The following AP3B1 variants were observed in gnomAD, a reference collection of about 807,000 sequenced individuals.
AP3B1 encodes adaptor related protein complex 3 subunit beta 1.
A neutral mutation model predicts 132.5 loss-of-function variants in AP3B1; 61 were observed. That is an observed-to-expected ratio of 0.46 (90% CI 0.37 to 0.57). The LOEUF is 0.57. Among genes scored for constraint, AP3B1 ranks in the 20% least tolerant of loss-of-function variants. The pLI is 0.00. For synonymous variants in AP3B1, 388 were observed against 438.3 expected (o/e 0.89, Z 1.43); for missense variants, 1,120 against 1,289.4 (o/e 0.87, Z 2.01).
intron 7 of AP3B1, among the ~76,000 whole-genome samples, chr5:78,185,685 C>T (rs1354292017): frequency 6.6e-6 from 1 of 152,082 alleles, no homozygotes; most frequent in East Asian, 1.9e-4. Flanking sequence ...AGAGCAAAAC[C>T]TTGCCTCTAC....
chr5:78,082,522 G>A (rs935958970), intron 22 of AP3B1, among the ~76,000 whole-genome samples: 11 of 152,174 alleles, frequency 7.2e-5, no homozygotes, highest in Admixed American at 7.2e-4. Flanking sequence ...TTTGGGAAAA[G>A]TATTATCTCC....
At chr5:78,116,362 G>C (rs1289009222) in intron 17 of AP3B1, 128 bp from the exon 18 acceptor site, 5 of 758,646 alleles carry the variant, frequency 6.6e-6, no homozygotes, top group Non-Finnish European at 1.1e-5. Flanking sequence ...GAATGCAACT[G>C]TTAGAAGTCC....
chr5:78,178,834 T>A (rs532137765), intron 8 of AP3B1, among the ~76,000 whole-genome samples: 2 of 152,036 alleles, frequency 1.3e-5, no homozygotes, highest in South Asian at 4.1e-4. Context: ...ATAGCAAAAA[T>A]TCTATTAATA....
rs1255986068 is a variant in AP3B1, at chr5:78,061,054, TACTGAACC to T, written c.2578-21788_2578-21781del. On this transcript the variant is annotated intron_variant, in intron 22 of 26. Transcript: ENST00000255194. ...TGGTTGATACCTTTGAAAAAAGAAGTACTGAACCACATATCCATAAACATACTTCCAGA... is the reference window on the plus strand; with the variant it reads ...TGGTTGATACCTTTGAAAAAAGAAGTACATATCCATAAACATACTTCCAGA... Among the ~76,000 whole-genome samples, 3 of 151,560 alleles carry T rather than the reference TACTGAACC, an allele frequency of 2.0e-5. No homozygotes were observed. The East Asian group carries it at 5.8e-4, about 29-fold the overall frequency.
At chr5:78,234,525 T>C (rs190087997) in intron 3 of AP3B1, among the ~76,000 whole-genome samples, 66 of 152,314 alleles carry the variant, frequency 4.3e-4, no homozygotes, top group Middle Eastern at 3.4e-3. Flanking sequence ...TAACACGTGG[T>C]TGACTGATTA....
At chr5:78,182,117 A>C (rs577534781) in intron 7 of AP3B1, among the ~76,000 whole-genome samples, 2 of 152,188 alleles carry the variant, frequency 1.3e-5, no homozygotes, top group Non-Finnish European at 1.5e-5. Context: ...GACACGAAAA[A>C]ACTAGTGTTG....
At chr5:78,003,220 A>G (rs142431658) in intron 26 of AP3B1, 165 bp from the exon 27 acceptor site, 11 of 824,566 alleles carry the variant, frequency 1.3e-5, no homozygotes, top group African/African-American at 3.4e-5. Context: ...TGAAAAATCA[A>G]TAAACTGTCC....
intron 5 of AP3B1, 59 bp downstream of exon 5, chr5:78,227,313 G>T: frequency 6.5e-7 from 1 of 1,543,838 alleles, no homozygotes; most frequent in Non-Finnish European, 8.9e-7. Flanking sequence ...AGCCTCTGTG[G>T]TCTATAACAT....
chr5:78,021,772 T>C (rs1376826227), intron 24 of AP3B1, among the ~76,000 whole-genome samples: 1 of 152,196 alleles, frequency 6.6e-6, no homozygotes, highest in Non-Finnish European at 1.5e-5. Context: ...GGTTGCCACA[T>C]GGCTGCTGTA....
chr5:78,216,068 C>A lies in AP3B1; in HGVS notation c.773G>T (p.Ser258Ile), dbSNP rs1184624668. 1 of 1,613,964 alleles carries A rather than the reference C, an allele frequency of 6.2e-7. No individual in the cohort carries two copies. The highest frequency in any genetic ancestry group is 2.2e-5 in the East Asian group (1 of 44,872). The part of the protein sequence containing the change: ...LTRYARTQFV[S>I]PWKEGDELED... The stretch of plus-strand genomic sequence containing the variant: ...TTCAACACTTACCTCTTTCCAAGGG[C>A]TGACAAACTGTGTCCGAGCATATCG... The change falls in exon 7 of 27, where the codon AGC (serine) becomes ATC (isoleucine). Residue 258 changes from serine to isoleucine, a missense_variant. By Grantham distance (142) the Ser-to-Ile change is moderately radical (BLOSUM62 -2). Around this residue, in one of 3 missense-constraint regions of AP3B1, gnomAD observed 906 missense variants for 997.1 expected, o/e 0.91. Transcript: ENST00000255194.
chr5:78,223,631 AT>A (rs1239383141), intron 6 of AP3B1, among the ~76,000 whole-genome samples: 14 of 152,272 alleles, frequency 9.2e-5, no homozygotes, highest in Admixed American at 8.5e-4. Flanking sequence ...TTGAGTACTT[AT>A]TTCTTATTTG....
At chr5:78,284,687 A>C (rs1233179900) in intron 1 of AP3B1, among the ~76,000 whole-genome samples, 2 of 152,232 alleles carry the variant, frequency 1.3e-5, no homozygotes, top group Non-Finnish European at 2.9e-5. Context: ...TATATACTAC[A>C]TTAACCGATT....
chr5:78,187,215 G>T lies in AP3B1; in HGVS notation c.787-5553C>A, dbSNP rs536791098. ...CTCCAGGCTAAAGTAGTTCTGTTAAGTACATTAATAAACCAATAAAACACA... is the reference window on the plus strand; with the variant it reads ...CTCCAGGCTAAAGTAGTTCTGTTAATTACATTAATAAACCAATAAAACACA... On this transcript the variant is annotated intron_variant, in intron 7 of 26. Coordinates refer to ENST00000255194, the MANE Select transcript of AP3B1 (RefSeq NM_003664.5). 3.9e-5 allele frequency among the ~76,000 whole-genome samples: 6 copies of T among 152,170 alleles called. No individual in the cohort carries two copies. The East Asian group carries it at 9.6e-4, about 24-fold the overall frequency.
At chr5:78,227,870 C>T (rs1345832442) in intron 4 of AP3B1, among the ~76,000 whole-genome samples, 1 of 152,062 alleles carries the variant, frequency 6.6e-6, no homozygotes, top group Non-Finnish European at 1.5e-5. Flanking sequence ...TGCGTACTTT[C>T]AACAACTAGT....
At chr5:78,215,315 GATTT>G in intron 7 of AP3B1, among the ~76,000 whole-genome samples, 1 of 151,348 alleles carries the variant, frequency 6.6e-6, no homozygotes, top group East Asian at 1.9e-4. Flanking sequence ...AACATTTAAG[GATTT>G]ATTTAAACTG....
chr5:78,131,716 GACA>G (rs1295022692), intron 15 of AP3B1, among the ~76,000 whole-genome samples: 1 of 152,088 alleles, frequency 6.6e-6, no homozygotes, highest in Non-Finnish European at 1.5e-5. Context: ...TAGTGCAAAT[GACA>G]ACCTCTTGAT....
intron 11 of AP3B1, among the ~76,000 whole-genome samples, chr5:78,175,168 G>A (rs1744096236): frequency 6.6e-6 from 1 of 152,200 alleles, no homozygotes; most frequent in African/African-American, 2.4e-5. Flanking sequence ...CCGACCTCTT[G>A]TGCTTCCTGG....
intron 12 of AP3B1, among the ~76,000 whole-genome samples, chr5:78,163,619 ATATAG>A (rs1367223266): frequency 6.7e-4 from 98 of 146,846 alleles, no homozygotes; most frequent in African/African-American, 2.4e-3. Context: ...GTGTGTGTAT[ATATAG>A]TATATATATA....
chr5:78,132,480 G>C (rs748585716), intron 15 of AP3B1, among the ~76,000 whole-genome samples: 2 of 152,008 alleles, frequency 1.3e-5, no homozygotes, highest in African/African-American at 4.8e-5. Flanking sequence ...CAGCAGTGTT[G>C]GGCCTTTTTT....
Sources: allele counts gnomAD v4.1 joint callset (sites outside exome capture counted in the v4.1 genomes callset), GRCh38; gene constraint gnomAD v4.1.1; regional missense constraint gnomAD v4.1.1; transcripts MANE v1.5; gene names NCBI Gene and HGNC (gene_info 2026-07-23, HGNC 2026-07-21).